Variants in FAM3B observed in about 807,000 individuals in gnomAD.
FAM3B encodes the protein FAM3 metabolism regulating signaling molecule B, also known as protein FAM3B.
FAM3B carries 29 observed loss-of-function variants against 28.4 expected under a neutral mutation model. That is an observed-to-expected ratio of 1.02 (90% confidence interval 0.76 to 1.39). The LOEUF (loss-of-function observed/expected upper bound fraction) is 1.39. Ranked by LOEUF, FAM3B falls within the 40% of genes most tolerant of loss-of-function variation. FAM3B has a pLI of 0.00. For missense variants in FAM3B, 266 were observed against 293.9 expected (o/e 0.91, Z 0.69); for synonymous variants, 91 against 103.0 (o/e 0.88, Z 0.71).
intron 1 of FAM3B, among the ~76,000 whole-genome samples, chr21:41,305,161 G>T (rs911252542): frequency 6.6e-6 from 1 of 152,188 alleles, no homozygotes; most frequent in Non-Finnish European, 1.5e-5. Context: ...ACTCCAGGTG[G>T]GTAGAGGTCT....
chr21:41,354,767 T>C (rs529476565), intron 7 of FAM3B, among the ~76,000 whole-genome samples: 1 of 152,258 alleles, frequency 6.6e-6, no homozygotes, highest in East Asian at 1.9e-4. Flanking sequence ...AAATAATCTG[T>C]ACAACAAACC....
At chr21:41,344,826 C>T (rs1028426683) in intron 4 of FAM3B, among the ~76,000 whole-genome samples, 1 of 152,200 alleles carries the variant, frequency 6.6e-6, no homozygotes, top group African/African-American at 2.4e-5. Context: ...CAAGGGGGTG[C>T]AGCCTGTGGT....
At chr21:41,315,713 G>A (rs977872529), upstream of FAM3B, among the ~76,000 whole-genome samples, 2 of 152,112 alleles carry the variant, frequency 1.3e-5, no homozygotes, top group African/African-American at 4.8e-5. Flanking sequence ...TCTGGTTTGG[G>A]GAGACTGCAG....
chr21:41,332,072 T>G (rs999409856), intron 2 of FAM3B, among the ~76,000 whole-genome samples: 80 of 152,338 alleles, frequency 5.3e-4, no homozygotes, highest in African/African-American at 1.9e-3. Context: ...GGTGCATGCC[T>G]CATGGCTTGG....
At chr21:41,317,641 C>G (rs1338188640) in intron 1 of FAM3B, among the ~76,000 whole-genome samples, 2 of 152,064 alleles carry the variant, frequency 1.3e-5, no homozygotes, top group Non-Finnish European at 2.9e-5. Context: ...AGCGACGTAG[C>G]CTGGCTGTGT....
chr21:41,333,405 G>A (rs191049748), intron 2 of FAM3B, among the ~76,000 whole-genome samples: 2 of 152,270 alleles, frequency 1.3e-5, no homozygotes, highest in Admixed American at 1.3e-4. Context: ...CTTTTCTCAT[G>A]ATAATGAGTG....
intron 2 of FAM3B, among the ~76,000 whole-genome samples, chr21:41,336,817 A>G (rs1375399262): frequency 1.3e-5 from 2 of 152,154 alleles, no homozygotes; most frequent in Non-Finnish European, 2.9e-5. Flanking sequence ...CTCCTTTATT[A>G]TCATATAATT....
chr21:41,313,249 A>G (rs925101461), upstream of FAM3B, among the ~76,000 whole-genome samples: 4 of 152,240 alleles, frequency 2.6e-5, no homozygotes. Flanking sequence ...AGTAAAATAC[A>G]CAAATCCTTG....
rs369518746 is a variant in FAM3B at position 41,304,614 on chromosome 21, T to C, written n.99+304T>C. On this transcript the variant is annotated intron_variant and non_coding_transcript_variant, in intron 1 of 9. Transcript: ENST00000479810. ...GGACCCCAGGCTCTGGCCCAAGGCC[T>C]CCTGGCTTGCCCCGGCCTGCAGGCA... 1.1e-3 allele frequency among the ~76,000 whole-genome samples: 168 copies of C among 152,298 alleles called. 1 individual carries two copies. The Middle Eastern group carries it at 0.02, about 19-fold the overall frequency.
At chr21:41,319,826 C>A (rs529257576) in intron 1 of FAM3B, 28 of 152,474 alleles carry the variant, frequency 1.8e-4, no homozygotes, top group African/African-American at 6.0e-4. Context: ...TGCCAACCCC[C>A]CAACCCCATT....
rs780468134 is a variant in FAM3B, at chr21:41,316,853, G to C, written c.-27G>C. 2.1e-6 allele frequency: 3 copies of C among 1,433,706 alleles called. No individual in the cohort carries two copies. The Admixed American group carries it at 8.6e-5, about 41-fold the overall frequency. 88.8% of individuals were successfully genotyped at this position (1,433,706 alleles called of 1,614,324 possible). A position where few individuals can be genotyped will look rare whatever the true frequency, so the allele number is the denominator to read the frequency against. On this transcript the variant is annotated 5_prime_UTR_variant, in exon 1 of 8. Coordinates refer to ENST00000357985, the MANE Select transcript of FAM3B (RefSeq NM_058186.4). ...GCGGTCGCCTGGGAGCTGCCGCCAG[G>C]GCCAGGAGGGGAGCGGCACCTGGAA...
At chr21:41,355,902 G>A (rs1284979604) in intron 7 of FAM3B, among the ~76,000 whole-genome samples, 1 of 152,076 alleles carries the variant, frequency 6.6e-6, no homozygotes, top group African/African-American at 2.4e-5. Flanking sequence ...TTAACAAAAT[G>A]CACCTTACTT....
At chr21:41,322,726 G>A in intron 1 of FAM3B, 197 bp from the exon 2 acceptor site, 1 of 756,204 alleles carries the variant, frequency 1.3e-6, no homozygotes, top group Non-Finnish European at 2.4e-6. Flanking sequence ...TGTCTTGTTT[G>A]TATTCTCTGA....
chr21:41,347,749 CA>C (rs60227162), intron 6 of FAM3B, among the ~76,000 whole-genome samples: 3,292 of 85,558 alleles, frequency 0.038, 35 homozygotes, highest in Middle Eastern at 0.11. Flanking sequence ...GAGACTGTCT[CA>C]AAAAAAAAAA....
Position 41,326,324 on chromosome 21 carries a change from CGG to C in FAM3B, c.163+3259_163+3260del, listed in dbSNP as rs2088854555. 6.6e-6 allele frequency among the ~76,000 whole-genome samples: 1 copy of C among 152,172 alleles called. No individual in the cohort carries two copies. Among genetic ancestry groups the C allele is most frequent in the African/African-American group, 2.4e-5 (1 of 41,438 alleles). ...GGTGACACATTGTGCTTCTGGGAAA[CGG>C]ATGGGGGACTCAGAAAGCTACTGAC... is the stretch of plus-strand genomic sequence containing the variant. On this transcript the variant is annotated intron_variant, in intron 2 of 7. Coordinates refer to ENST00000357985, the MANE Select transcript of FAM3B (RefSeq NM_058186.4). The surrounding 1 kb of genome is among the most constrained non-coding windows in gnomAD (Gnocchi z 4.0).
At chr21:41,324,098 A>G (rs971662498) in intron 2 of FAM3B, among the ~76,000 whole-genome samples, 3 of 152,012 alleles carry the variant, frequency 2.0e-5, no homozygotes, top group African/African-American at 7.3e-5. Context: ...CAAAGGCCCC[A>G]CCTCCTAACA....
chr21:41,352,788 C>T (rs1282972800), intron 7 of FAM3B, among the ~76,000 whole-genome samples: 2 of 86,554 alleles, frequency 2.3e-5, no homozygotes, highest in African/African-American at 1.4e-4. Context: ...TAGCGAAACT[C>T]CATCTCAAAA....
At chr21:41,342,280 C>T (rs1464304493) in intron 3 of FAM3B, among the ~76,000 whole-genome samples, 1 of 152,168 alleles carries the variant, frequency 6.6e-6, no homozygotes, top group African/African-American at 2.4e-5. Flanking sequence ...TTAGAGATTC[C>T]TTGTCTGGTT....
At chr21:41,305,199 T>A (rs985443236) in intron 1 of FAM3B, among the ~76,000 whole-genome samples, 2 of 151,968 alleles carry the variant, frequency 1.3e-5, no homozygotes, top group Admixed American at 6.6e-5. Flanking sequence ...GGAGCGACGT[T>A]TTCAAGCACT....
Sources: allele counts gnomAD v4.1 joint callset (sites outside exome capture counted in the v4.1 genomes callset), GRCh38; gene constraint gnomAD v4.1.1; non-coding constraint Gnocchi (gnomAD v3.1); transcripts MANE v1.5; gene names NCBI Gene and HGNC (gene_info 2026-07-23, HGNC 2026-07-21).